The following FBXL2 variants were observed in gnomAD, a reference collection of about 807,000 sequenced individuals.
FBXL2 encodes F-box/LRR-repeat protein 2.
A neutral mutation model predicts 69.2 loss-of-function variants in FBXL2; 38 were observed. The observed-to-expected ratio is 0.55, with a 90% CI of 0.42 to 0.72. FBXL2 has a LOEUF of 0.72. Ranked by LOEUF, FBXL2 falls within the 30% of genes least tolerant of loss-of-function variation. The pLI is 0.00. For synonymous variants in FBXL2, 192 were observed against 201.3 expected (o/e 0.95, Z 0.39); for missense variants, 354 against 520.3 (o/e 0.68, Z 3.11).
rs148581045 is a variant in FBXL2 at position 33,294,967 on chromosome 3, A to G, written c.4-2697A>G. Among the ~76,000 whole-genome samples, 265 of 152,300 alleles carry G rather than the reference A, an allele frequency of 1.7e-3. 4 individuals carry two copies. The highest frequency in any genetic ancestry group is 5.8e-3 in the African/African-American group (243 of 41,562). On this transcript the variant is annotated intron_variant, in intron 1 of 14. Transcript: ENST00000484457. ...GGAATACAGTAGGCACTTACTAAAT[A>G]TTAGTCTCATATATCCAACACAAAG... is the stretch of plus-strand genomic sequence containing the variant.
At chr3:33,313,615 G>GTTTTTTT (rs766273521) in intron 2 of FBXL2, among the ~76,000 whole-genome samples, 28 of 148,354 alleles carry the variant, frequency 1.9e-4, no homozygotes, top group South Asian at 2.1e-4. Flanking sequence ...TCAGATAATT[G>GTTTTTTT]TTTTATTTTT....
chr3:33,343,907 C>T (rs2040251313), intron 2 of FBXL2, among the ~76,000 whole-genome samples: 1 of 151,698 alleles, frequency 6.6e-6, no homozygotes, highest in Non-Finnish European at 1.5e-5. Flanking sequence ...GACATACTAG[C>T]CAATGAAATT....
At chr3:33,383,929 T>A (rs1174348638) in intron 13 of FBXL2, 60 bp from the exon 14 acceptor site, 6 of 1,550,266 alleles carry the variant, frequency 3.9e-6, no homozygotes, top group South Asian at 2.2e-5. Context: ...AGCTTTTTTT[T>A]AGGACTTGAG....
intron 1 of FBXL2, among the ~76,000 whole-genome samples, chr3:33,289,011 A>G (rs2034948053): frequency 6.6e-6 from 1 of 152,174 alleles, no homozygotes; most frequent in Non-Finnish European, 1.5e-5. Context: ...AGGAACTGCC[A>G]TTTGCTGAGA....
Position 33,374,790 on chromosome 3 carries a change from T to C in FBXL2, c.658-498T>C, listed in dbSNP as rs553816810. Among the ~76,000 whole-genome samples, 204 of 139,218 alleles carry C rather than the reference T, an allele frequency of 1.5e-3. 2 individuals carry two copies. Among genetic ancestry groups the C allele is most frequent in the African/African-American group, 5.5e-3 (196 of 35,520 alleles). The allele number at this position is 139,218 out of a possible 152,430, so 91.3% of individuals were successfully genotyped here. On this transcript the variant is annotated intron_variant, in intron 9 of 14. Coordinates refer to ENST00000484457, the MANE Select transcript of FBXL2 (RefSeq NM_012157.5). ...TAGAATTTAAGGTATTTATCAATAA[T>C]TTTGTGATTTATTTAATTTTCCTAT...
At chr3:33,384,318 T>C in intron 14 of FBXL2, 117 bp downstream of exon 14, 1 of 992,368 alleles carries the variant, frequency 1.0e-6, no homozygotes. Context: ...CCCAACACTT[T>C]CAGAAGCCAA....
chr3:33,414,822 C>G, the FBXL2 span, among the ~76,000 whole-genome samples: 38,853 of 151,866 alleles, frequency 0.26, 5,844 homozygotes, highest in East Asian at 0.47. Context: ...AAAAATGAAC[C>G]CTTTTCAATC....
intron 2 of FBXL2, among the ~76,000 whole-genome samples, chr3:33,344,600 G>A (rs1329513347): frequency 6.6e-6 from 1 of 151,942 alleles, no homozygotes; most frequent in Non-Finnish European, 1.5e-5. Context: ...CAAAAATGTG[G>A]TAAGTAAAAT....
chr3:33,380,214 A>G (rs1559640083), intron 13 of FBXL2, among the ~76,000 whole-genome samples: 1 of 143,000 alleles, frequency 7.0e-6, no homozygotes, highest in African/African-American at 2.7e-5. Flanking sequence ...ACAGAGTGAG[A>G]CTCTGTCTCA....
intron 2 of FBXL2, among the ~76,000 whole-genome samples, chr3:33,322,271 G>T (rs1452633600): frequency 2.6e-5 from 4 of 151,534 alleles, no homozygotes; most frequent in Non-Finnish European, 4.4e-5. Flanking sequence ...GTACAGACAG[G>T]GTTTTACCGT....
intron 2 of FBXL2, 128 bp downstream of exon 2, chr3:33,297,853 T>C (rs2035882553): frequency 1.4e-6 from 1 of 697,832 alleles, no homozygotes; most frequent in Non-Finnish European, 2.6e-6. Flanking sequence ...ACTGACTTTT[T>C]GTTTTTGTTT....
chr3:33,406,797 C>A (rs1426763450), downstream of FBXL2, among the ~76,000 whole-genome samples: 1 of 152,070 alleles, frequency 6.6e-6, no homozygotes, highest in Non-Finnish European at 1.5e-5. Flanking sequence ...GAATGATCAC[C>A]CATTTTAGGC....
At chr3:33,402,896 C>T (rs771118733) in intron 12 of FBXL2, 41 of 1,608,026 alleles carry the variant, frequency 2.5e-5, no homozygotes, top group South Asian at 1.0e-4. Context: ...CATCGGGCCA[C>T]GGAGAACACT....
intron 4 of FBXL2, among the ~76,000 whole-genome samples, chr3:33,359,669 C>T (rs2041473467): frequency 6.6e-6 from 1 of 151,704 alleles, no homozygotes; most frequent in South Asian, 2.1e-4. Flanking sequence ...TTGACAAATA[C>T]TTATTGATCT....
chr3:33,408,304 A>G (rs534568051), downstream of FBXL2, among the ~76,000 whole-genome samples: 1 of 152,316 alleles, frequency 6.6e-6, no homozygotes, highest in South Asian at 2.1e-4. Context: ...CTTTTCAGTT[A>G]CACAAAAATA....
chr3:33,409,898 T>C, the FBXL2 span, among the ~76,000 whole-genome samples: 130 of 152,298 alleles, frequency 8.5e-4, 7 homozygotes, highest in South Asian at 0.026. Context: ...TTCCTATGTA[T>C]ACTGCCCACC....
At chr3:33,370,980 C>T (rs747412123) in intron 5 of FBXL2, among the ~76,000 whole-genome samples, 1 of 151,970 alleles carries the variant, frequency 6.6e-6, no homozygotes, top group Non-Finnish European at 1.5e-5. Context: ...ATTCCAATCG[C>T]ATGTATATTA....
rs915442386 is a variant in FBXL2 at position 33,279,467 on chromosome 3, C to G, written c.3+1952C>G. 2.6e-5 allele frequency among the ~76,000 whole-genome samples: 4 copies of G among 152,106 alleles called. No homozygotes were observed. The South Asian group carries it at 8.3e-4, about 32-fold the overall frequency. ...TGTATTTTTAGTAGAGATGGGGTTT[C>G]ACCATGTTGGTCAGGATGGTCTCCA... is the stretch of plus-strand genomic sequence containing the variant. On this transcript the variant is annotated intron_variant, in intron 1 of 14. Transcript: ENST00000484457.
intron 2 of FBXL2, among the ~76,000 whole-genome samples, chr3:33,336,717 C>T (rs2039607589): frequency 6.6e-6 from 1 of 151,444 alleles, no homozygotes; most frequent in Non-Finnish European, 1.5e-5. Context: ...CCATCCTGGC[C>T]AATATGGTGA....
Sources: allele counts gnomAD v4.1 joint callset (sites outside exome capture counted in the v4.1 genomes callset), GRCh38; gene constraint gnomAD v4.1.1; transcripts MANE v1.5; gene names NCBI Gene and HGNC (gene_info 2026-07-23, HGNC 2026-07-21).